PRDX2: variants seen among roughly 807,000 people sequenced by gnomAD.
PRDX2 encodes the protein peroxiredoxin-2.
Under a neutral mutation model 19.8 loss-of-function variants are expected in PRDX2, and 10 were observed. The ratio of observed to expected loss-of-function variants is 0.50; its 90% CI spans 0.31 to 0.86. The LOEUF (loss-of-function observed/expected upper bound fraction) is 0.86. PRDX2 is among the 40% of genes least tolerant of loss of function. PRDX2 has a pLI of 0.04. For synonymous variants in PRDX2, 118 were observed against 108.2 expected (o/e 1.09, Z -0.56); for missense variants, 226 against 260.1 (o/e 0.87, Z 0.90).
At chr19:12,800,781 G>A in intron 3 of PRDX2, 135 bp downstream of exon 3, 2 of 1,546,286 alleles carry the variant, frequency 1.3e-6, no homozygotes, top group Non-Finnish European at 1.7e-6. Flanking sequence ...TAAAGACTTG[G>A]GCGGCAATGT....
chr19:12,800,509 T>A (rs1968871964), intron 3 of PRDX2: 1 of 796,578 alleles, frequency 1.3e-6, no homozygotes, highest in Admixed American at 3.0e-5. Flanking sequence ...CAGCTCCAGC[T>A]AAGTGGCTTC....
At chr19:12,797,656 C>CTTTTTTTTTTTTTTTTTTTTTTT (rs1555733212) in intron 5 of PRDX2, among the ~76,000 whole-genome samples, 4 of 113,056 alleles carry the variant, frequency 3.5e-5, no homozygotes, top group Non-Finnish European at 5.4e-5. Context: ...TTCTTTCTTT[C>CTTTTTTTTTTTTTTTTTTTTTTT]TTTTTTTTTT....
chr19:12,797,749 C>A (rs1968818336), intron 5 of PRDX2, among the ~76,000 whole-genome samples: 1 of 149,758 alleles, frequency 6.7e-6, no homozygotes, highest in South Asian at 2.1e-4. Flanking sequence ...CCTCTGCCTC[C>A]CGCGTTCAAG....
intron 5 of PRDX2, among the ~76,000 whole-genome samples, chr19:12,797,911 T>C (rs1341118396): frequency 1.3e-5 from 2 of 151,898 alleles, no homozygotes; most frequent in Non-Finnish European, 1.5e-5. Context: ...CCACCCACCT[T>C]GGCCTCCCAA....
At chr19:12,801,427 T>G (rs1353770482) in intron 1 of PRDX2, among the ~76,000 whole-genome samples, 157 bp from the exon 2 acceptor site, 1 of 152,238 alleles carries the variant, frequency 6.6e-6, no homozygotes, top group Non-Finnish European at 1.5e-5. Flanking sequence ...GCCCGGAGGC[T>G]GCCGGAGACC....
Position 12,799,418 on chromosome 19 carries a change from G to A in PRDX2, c.511+441C>T, listed in dbSNP as rs534461191. The A allele has an allele frequency of 3.9e-4, 63 of 159,550 alleles. 1 individual carries two copies. The South Asian group carries it at 0.01, about 26-fold the overall frequency. 9.9% of individuals were successfully genotyped at this position (159,550 alleles called of 1,614,324 possible). On this transcript the variant is annotated intron_variant, in intron 5 of 5. Coordinates refer to ENST00000301522, the MANE Select transcript of PRDX2 (RefSeq NM_005809.6). The stretch of plus-strand genomic sequence containing the variant: ...TCTGTTGCCCAAGCTGGAGTACAAC[G>A]GTGCGATCTCAGCTCACTGCAACCT...
Position 12,797,148 on chromosome 19 carries a change from T to G in PRDX2, c.530A>C (p.Lys177Thr). The change falls in exon 6 of 6, where the codon AAG becomes ACG. Residue 177 changes from lysine to threonine, a missense_variant. Transcript: ENST00000301522. ...GGGCTTAATCGTGTCACTGCCAGGC[T>G]TCCAGCCAGCGGGACAAACTGTGGG... Reference protein sequence around the residue: ...EHGEVCPAGWKPGSDTIKPNV... With the variant: ...EHGEVCPAGWTPGSDTIKPNV... The G allele has an allele frequency of 6.2e-7, 1 of 1,614,040 alleles. No homozygotes were observed. Among genetic ancestry groups the G allele is most frequent in the Non-Finnish European group, 8.5e-7 (1 of 1,179,932 alleles).
intron 3 of PRDX2, 44 bp from the exon 4 acceptor site, chr19:12,800,343 ACAG>A: frequency 6.3e-7 from 1 of 1,594,062 alleles, no homozygotes; most frequent in Non-Finnish European, 8.6e-7. Flanking sequence ...GATGCCTGGC[ACAG>A]CAGGGTCCTC....
chr19:12,799,167 G>A (rs1199694351), intron 5 of PRDX2, among the ~76,000 whole-genome samples: 2 of 151,640 alleles, frequency 1.3e-5, no homozygotes, highest in African/African-American at 4.9e-5. Context: ...CCAAAGTGCT[G>A]GGATTACAGG....
chr19:12,799,300 T>C (rs1024573214), intron 5 of PRDX2, among the ~76,000 whole-genome samples: 6 of 151,922 alleles, frequency 3.9e-5, no homozygotes, highest in African/African-American at 1.5e-4. Flanking sequence ...CAGGCTCAAG[T>C]GATCCTCCAG....
At chr19:12,801,420 C>G (rs1968896019) in intron 1 of PRDX2, 150 bp from the exon 2 acceptor site, 4 of 806,822 alleles carry the variant, frequency 5.0e-6, no homozygotes, top group Non-Finnish European at 8.0e-6. Context: ...CTACGAGGCC[C>G]GGAGGCTGCC....
At chr19:12,800,382 A>G in intron 3 of PRDX2, 83 bp from the exon 4 acceptor site, 1 of 1,518,472 alleles carries the variant, frequency 6.6e-7, no homozygotes, top group Non-Finnish European at 8.9e-7. Context: ...TGTGATAAGC[A>G]CTGGAGGCCG....
chr19:12,801,315 C>T (rs1372277126), intron 1 of PRDX2, 45 bp from the exon 2 acceptor site: 6 of 1,556,952 alleles, frequency 3.9e-6, no homozygotes, highest in Admixed American at 1.9e-5. Flanking sequence ...ACACTTTGTC[C>T]TCCCAACCCA....
intron 3 of PRDX2, 171 bp downstream of exon 3, chr19:12,800,745 C>T (rs1245710483): frequency 2.3e-5 from 35 of 1,517,114 alleles, no homozygotes; most frequent in Non-Finnish European, 2.9e-5. Flanking sequence ...AACTAGTTGT[C>T]AAATGCTAAT....
At chr19:12,798,924 T>C (rs558402063) in intron 5 of PRDX2, among the ~76,000 whole-genome samples, 3 of 151,716 alleles carry the variant, frequency 2.0e-5, no homozygotes, top group Admixed American at 2.0e-4. Context: ...GTTTTTGAGA[T>C]GGAGTCTCAC....
At chr19:12,797,328 C>CT (rs112459805) in intron 5 of PRDX2, among the ~76,000 whole-genome samples, 162 bp from the exon 6 acceptor site, 17,335 of 142,456 alleles carry the variant, frequency 0.12, 2,332 homozygotes, top group African/African-American at 0.34. Context: ...AGTATTTTTT[C>CT]TTTTTTTTTT....
chr19:12,800,779 T>A (rs761015596), intron 3 of PRDX2, 137 bp downstream of exon 3: 2 of 1,545,766 alleles, frequency 1.3e-6, no homozygotes, highest in South Asian at 1.2e-5. Flanking sequence ...CTTAAAGACT[T>A]GGGCGGCAAT....
At chr19:12,799,748 C>A (rs1216266791) in intron 5 of PRDX2, 111 bp downstream of exon 5, 17 of 1,425,482 alleles carry the variant, frequency 1.2e-5, no homozygotes, top group Non-Finnish European at 1.6e-5. Flanking sequence ...GCTGAATCTT[C>A]TTTGGGGCCC....
At chr19:12,800,541 C>T in intron 3 of PRDX2, 1 of 794,932 alleles carries the variant, frequency 1.3e-6, no homozygotes, top group Non-Finnish European at 1.9e-6. Context: ...TAACTTGCAG[C>T]ATCACCCAGC....
Sources: gnomAD v4.1 joint callset for allele counts (sites outside exome capture counted in the v4.1 genomes callset) on GRCh38, gnomAD v4.1.1 for gene constraint, MANE v1.5 for transcripts, NCBI Gene and HGNC (gene_info 2026-07-23, HGNC 2026-07-21) for gene names.